Variants in ELMO1 observed in about 807,000 individuals in gnomAD.
ELMO1 encodes the protein engulfment and cell motility 1.
A neutral mutation model predicts 98.9 loss-of-function variants in ELMO1; 26 were observed. The ratio of observed to expected loss-of-function variants is 0.26; its 90% CI spans 0.19 to 0.36. The LOEUF (loss-of-function observed/expected upper bound fraction) is 0.36. Ranked by LOEUF, ELMO1 falls within the 10% of genes least tolerant of loss-of-function variation. The pLI, the probability that ELMO1 is intolerant of heterozygous loss-of-function variation, is 1.00. For missense variants in ELMO1, 627 were observed against 935.2 expected, an observed-to-expected ratio of 0.67 and a Z score of 4.30; for synonymous variants, 346 against 346.0, an observed-to-expected ratio of 1.00 and a Z score of 0.00.
intron 4 of ELMO1, among the ~76,000 whole-genome samples, chr7:37,307,243 A>C (rs772069767): frequency 6.0e-4 from 91 of 152,296 alleles, no homozygotes; most frequent in Non-Finnish European, 1.0e-3. Context: ...CTCATCTTGA[A>C]CTGTAGTTCC....
chr7:37,406,771 A>G (rs1264667439), intron 1 of ELMO1, among the ~76,000 whole-genome samples: 1 of 152,090 alleles, frequency 6.6e-6, no homozygotes, highest in Non-Finnish European at 1.5e-5. Context: ...TGTTTTTTGC[A>G]TCTTTAAAAT....
At chr7:36,998,278 T>C (rs146538597) in intron 16 of ELMO1, among the ~76,000 whole-genome samples, 9 of 152,308 alleles carry the variant, frequency 5.9e-5, no homozygotes, top group Non-Finnish European at 5.9e-5. Context: ...CAACGACTCC[T>C]CTCAATTCCC....
At chr7:37,296,009 T>A (rs1254031872) in intron 4 of ELMO1, among the ~76,000 whole-genome samples, 1 of 152,218 alleles carries the variant, frequency 6.6e-6, no homozygotes, top group Non-Finnish European at 1.5e-5. Flanking sequence ...TATAACAAAT[T>A]ACCAGAAATC....
At chr7:37,164,352 T>C (rs1041068833) in intron 13 of ELMO1, among the ~76,000 whole-genome samples, 4 of 152,074 alleles carry the variant, frequency 2.6e-5, no homozygotes, top group Admixed American at 6.5e-5. Flanking sequence ...TTAGATCCCA[T>C]TTGTCAATTT....
At chr7:37,102,977 T>A (rs1052853435) in intron 14 of ELMO1, among the ~76,000 whole-genome samples, 1 of 152,218 alleles carries the variant, frequency 6.6e-6, no homozygotes, top group Non-Finnish European at 1.5e-5. Flanking sequence ...ACAGACAAAG[T>A]CTACTTCTTG....
At chr7:37,139,328 A>G (rs1246640849) in intron 13 of ELMO1, among the ~76,000 whole-genome samples, 5 of 152,206 alleles carry the variant, frequency 3.3e-5, no homozygotes, top group Non-Finnish European at 5.9e-5. Flanking sequence ...AACCCTAAAG[A>G]CTTATCCAAT....
intron 12 of ELMO1, among the ~76,000 whole-genome samples, chr7:37,211,860 A>G (rs1792995088): frequency 6.6e-6 from 1 of 152,220 alleles, no homozygotes; most frequent in South Asian, 2.1e-4. Flanking sequence ...GAAACTGGGG[A>G]TACTGTACAG....
chr7:37,412,289 G>C (rs73693572), intron 1 of ELMO1, among the ~76,000 whole-genome samples: 7,069 of 152,276 alleles, frequency 0.046, 261 homozygotes, highest in East Asian at 0.15. Flanking sequence ...CAGGAGCCAG[G>C]GCGTTTGTGG....
At chr7:37,235,146 G>A (rs1794391598) in intron 7 of ELMO1, among the ~76,000 whole-genome samples, 1 of 152,178 alleles carries the variant, frequency 6.6e-6, no homozygotes, top group Non-Finnish European at 1.5e-5. Context: ...ATGGGTTGAA[G>A]AGAGTATTGA....
At chr7:37,315,151 A>G (rs1799087040) in intron 3 of ELMO1, among the ~76,000 whole-genome samples, 1 of 152,166 alleles carries the variant, frequency 6.6e-6, no homozygotes, top group South Asian at 2.1e-4. Flanking sequence ...CCTACTGCTC[A>G]CCTTTAAGCA....
At chr7:37,011,511 G>A (rs1294914756) in intron 16 of ELMO1, among the ~76,000 whole-genome samples, 2 of 152,196 alleles carry the variant, frequency 1.3e-5, no homozygotes, top group African/African-American at 4.8e-5. Flanking sequence ...GCTTATCTGT[G>A]CCTAGATCAA....
intron 4 of ELMO1, among the ~76,000 whole-genome samples, chr7:37,290,204 T>C (rs1189254463): frequency 6.6e-6 from 1 of 152,126 alleles, no homozygotes; most frequent in African/African-American, 2.4e-5. Flanking sequence ...AGTGCCTCTT[T>C]CACATACAGG....
chr7:36,959,681 A>AT (rs1788776970), intron 16 of ELMO1, among the ~76,000 whole-genome samples: 2 of 151,860 alleles, frequency 1.3e-5, no homozygotes, highest in Non-Finnish European at 2.9e-5. Context: ...AGTTTCTCTA[A>AT]TTTTTTATTT....
chr7:37,182,024 A>AG (rs995061518), intron 13 of ELMO1, among the ~76,000 whole-genome samples: 20 of 476 alleles, frequency 0.042, no homozygotes, highest in Non-Finnish European at 0.19. Context: ...CTCAAATAAG[A>AG]AAAAAAAAAT....
intron 15 of ELMO1, among the ~76,000 whole-genome samples, chr7:37,056,798 C>T (rs1463125788): frequency 1.3e-5 from 2 of 152,270 alleles, no homozygotes; most frequent in South Asian, 2.1e-4. Flanking sequence ...CAGGGGAGCC[C>T]ACTGGGGGAT....
chr7:37,424,227 C>T (rs1382935578), intron 1 of ELMO1, among the ~76,000 whole-genome samples: 2 of 152,330 alleles, frequency 1.3e-5, no homozygotes, highest in East Asian at 1.9e-4. Flanking sequence ...TCTTCTTTAC[C>T]TTTTCCTGCC....
chr7:36,853,056 T>G lies in ELMO1; in HGVS notation c.*2495A>C, dbSNP rs1801961477. Among the ~76,000 whole-genome samples, 1 of 151,886 alleles carries G rather than the reference T, an allele frequency of 6.6e-6. No homozygotes were observed. Among genetic ancestry groups the G allele is most frequent in the Non-Finnish European group, 1.5e-5 (1 of 67,974 alleles). ...GAAACTGCAGGCAACAGGAGATGAGTTGGAGGTGGTAGGCTCATTGCATGG... is the reference window on the plus strand; with the variant it reads ...GAAACTGCAGGCAACAGGAGATGAGGTGGAGGTGGTAGGCTCATTGCATGG... On this transcript the variant is annotated 3_prime_UTR_variant, in exon 22 of 22. Coordinates refer to ENST00000310758, the MANE Select transcript of ELMO1 (RefSeq NM_014800.11).
chr7:37,008,102 G>C (rs2129168836), intron 16 of ELMO1, among the ~76,000 whole-genome samples: 2 of 152,220 alleles, frequency 1.3e-5, no homozygotes, highest in Middle Eastern at 6.8e-3. Context: ...CTTCCATTTT[G>C]GTAATCTGAA....
intron 16 of ELMO1, among the ~76,000 whole-genome samples, chr7:36,930,558 T>C (rs1785953747): frequency 6.6e-6 from 1 of 152,224 alleles, no homozygotes; most frequent in South Asian, 2.1e-4. Flanking sequence ...TGTTACTCAC[T>C]CCTGTATTCC....
Sources: gnomAD v4.1 joint callset for allele counts (sites outside exome capture counted in the v4.1 genomes callset) on GRCh38, gnomAD v4.1.1 for gene constraint, MANE v1.5 for transcripts, NCBI Gene and HGNC (gene_info 2026-07-23, HGNC 2026-07-21) for gene names.